The following TENM3 variants were observed in gnomAD, a reference collection of about 807,000 sequenced individuals.
The protein encoded by TENM3 is teneurin transmembrane protein 3.
A neutral mutation model predicts 255.1 loss-of-function variants in TENM3; 63 were observed. The observed-to-expected ratio is 0.25, with a 90% CI of 0.20 to 0.30. TENM3 has a LOEUF of 0.30. TENM3 is among the 10% of genes least tolerant of loss of function. The pLI is 1.00. For synonymous variants in TENM3, 1,306 were observed against 1,322.3 expected, an observed-to-expected ratio of 0.99 and a Z score of 0.27; for missense variants, 2,929 against 3,461.1, an observed-to-expected ratio of 0.85 and a Z score of 3.86.
At chr4:181,731,914 G>C in the TENM3 span, among the ~76,000 whole-genome samples, 1 of 152,156 alleles carries the variant, frequency 6.6e-6, no homozygotes, top group Non-Finnish European at 1.5e-5. Flanking sequence ...CTGGGCACCA[G>C]AGTGAGTTCT....
chr4:182,657,036 C>T (rs1404859284), intron 6 of TENM3, among the ~76,000 whole-genome samples: 1 of 152,154 alleles, frequency 6.6e-6, no homozygotes, highest in Non-Finnish European at 1.5e-5. Flanking sequence ...TGGTCTCTTT[C>T]CAGAAACTAA....
the TENM3 span, among the ~76,000 whole-genome samples, chr4:181,641,552 G>A: frequency 0.026 from 572 of 21,634 alleles, 31 homozygotes; most frequent in African/African-American, 0.089. Flanking sequence ...CATGGTGTGT[G>A]TGTATATATA....
At chr4:182,667,162 A>T (rs1428885711) in intron 6 of TENM3, among the ~76,000 whole-genome samples, 1 of 143,440 alleles carries the variant, frequency 7.0e-6, no homozygotes, top group Non-Finnish European at 1.5e-5. Flanking sequence ...CATTGAAATC[A>T]AAGTTACCAT....
chr4:181,601,444 C>G, the TENM3 span, among the ~76,000 whole-genome samples: 1 of 152,146 alleles, frequency 6.6e-6, no homozygotes, highest in Non-Finnish European at 1.5e-5. Flanking sequence ...GGCCTCTCTC[C>G]TTGGCTGGCA....
intron 1 of TENM3, among the ~76,000 whole-genome samples, chr4:182,266,965 CA>C (rs1325128358): frequency 6.6e-6 from 1 of 152,122 alleles, no homozygotes; most frequent in Non-Finnish European, 1.5e-5. Context: ...GGTTTATAAT[CA>C]ACTATAGAAC....
At chr4:181,552,956 A>C in the TENM3 span, among the ~76,000 whole-genome samples, 1 of 152,148 alleles carries the variant, frequency 6.6e-6, no homozygotes, top group Non-Finnish European at 1.5e-5. Flanking sequence ...CACACACACC[A>C]CACACACTTC....
chr4:182,658,590 GT>G (rs1724310422), intron 6 of TENM3, among the ~76,000 whole-genome samples: 1 of 152,200 alleles, frequency 6.6e-6, no homozygotes, highest in Non-Finnish European at 1.5e-5. Flanking sequence ...AACTCCACGT[GT>G]CTAAAACAGA....
chr4:181,853,376 A>G, the TENM3 span, among the ~76,000 whole-genome samples: 1 of 152,250 alleles, frequency 6.6e-6, no homozygotes, highest in African/African-American at 2.4e-5. Context: ...TATTCATGAA[A>G]TTCTCAAAAC....
intron 1 of TENM3, among the ~76,000 whole-genome samples, chr4:182,246,605 TC>T (rs1757666700): frequency 6.6e-6 from 1 of 152,204 alleles, no homozygotes; most frequent in African/African-American, 2.4e-5. Context: ...AGAATGTGTC[TC>T]GTCCGTATGT....
At chr4:182,281,709 A>T (rs1026835133) in intron 1 of TENM3, among the ~76,000 whole-genome samples, 3 of 152,118 alleles carry the variant, frequency 2.0e-5, no homozygotes, top group Non-Finnish European at 4.4e-5. Flanking sequence ...CTAACATGTT[A>T]TAGTAATACA....
the TENM3 span, among the ~76,000 whole-genome samples, chr4:181,993,166 C>T: frequency 1.1e-3 from 160 of 152,240 alleles, no homozygotes; most frequent in African/African-American, 3.6e-3. Flanking sequence ...ATTATCTTCT[C>T]GGATTTTTAG....
chr4:182,036,335 C>A, the TENM3 span, among the ~76,000 whole-genome samples: 6 of 152,068 alleles, frequency 3.9e-5, no homozygotes, highest in African/African-American at 1.2e-4. Context: ...GGATTACAGG[C>A]GCCCGCCACC....
At chr4:181,651,756 G>C in the TENM3 span, among the ~76,000 whole-genome samples, 1 of 152,148 alleles carries the variant, frequency 6.6e-6, no homozygotes, top group Non-Finnish European at 1.5e-5. Flanking sequence ...TTATGCTGGT[G>C]TTGTGTCTAA....
At chr4:181,992,935 T>C in the TENM3 span, among the ~76,000 whole-genome samples, 3 of 152,200 alleles carry the variant, frequency 2.0e-5, no homozygotes, top group Non-Finnish European at 4.4e-5. Context: ...CCATGAAGCT[T>C]CATTAAAGTC....
rs1317009323 is a variant in TENM3, at chr4:182,330,109, A to C, written c.232+5857A>C. Among the ~76,000 whole-genome samples, 12 of 152,336 alleles carry C rather than the reference A, an allele frequency of 7.9e-5. No individual in the cohort carries two copies. In the East Asian group the frequency reaches 2.3e-3, roughly 29 times the overall value. On this transcript the variant is annotated intron_variant, in intron 2 of 27. Coordinates refer to ENST00000511685, the MANE Select transcript of TENM3 (RefSeq NM_001080477.4). ...CAGGGATCTTATTTGCAGAGAAGAT[A>C]CTGTAGGAGAGGAAAGATTTCTTTT...
intron 3 of TENM3, among the ~76,000 whole-genome samples, chr4:182,516,585 T>C (rs906937489): frequency 6.6e-6 from 1 of 152,156 alleles, no homozygotes; most frequent in African/African-American, 2.4e-5. Flanking sequence ...CTGTAACGTG[T>C]AAGCAGATGA....
the TENM3 span, among the ~76,000 whole-genome samples, chr4:181,463,667 A>G: frequency 6.6e-6 from 1 of 152,232 alleles, no homozygotes; most frequent in Non-Finnish European, 1.5e-5. Context: ...ATAAACCATA[A>G]CATTTACCTT....
chr4:181,999,264 G>T, the TENM3 span, among the ~76,000 whole-genome samples: 2 of 152,256 alleles, frequency 1.3e-5, no homozygotes, highest in Admixed American at 6.5e-5. Flanking sequence ...AAAAGAAAAA[G>T]TCAGGACTTA....
chr4:182,020,835 C>A, the TENM3 span, among the ~76,000 whole-genome samples: 1 of 152,214 alleles, frequency 6.6e-6, no homozygotes, highest in Admixed American at 6.5e-5. Flanking sequence ...TTAGCCTACC[C>A]ATCTCTCCAG....
Sources: allele counts gnomAD v4.1 joint callset (sites outside exome capture counted in the v4.1 genomes callset), GRCh38; gene constraint gnomAD v4.1.1; transcripts MANE v1.5; gene names NCBI Gene and HGNC (gene_info 2026-07-23, HGNC 2026-07-21).